The following NAALADL2 variants were observed in gnomAD, a reference collection of about 807,000 sequenced individuals.
The protein encoded by NAALADL2 is inactive N-acetylated-alpha-linked acidic dipeptidase-like protein 2.
A neutral mutation model predicts 87.2 loss-of-function variants in NAALADL2; 76 were observed. That is an observed-to-expected ratio of 0.87 (90% CI 0.72 to 1.05). The LOEUF is 1.05. NAALADL2 is among the 50% of genes least tolerant of loss of function. NAALADL2 has a pLI of 0.00. For missense variants in NAALADL2, 1,089 were observed against 945.8 expected, an observed-to-expected ratio of 1.15 and a Z score of -1.99; for synonymous variants, 354 against 331.0, an observed-to-expected ratio of 1.07 and a Z score of -0.75.
At chr3:175,114,976 C>T (rs887500475) in intron 2 of NAALADL2, among the ~76,000 whole-genome samples, 1 of 151,526 alleles carries the variant, frequency 6.6e-6, no homozygotes, top group African/African-American at 2.4e-5. Flanking sequence ...TGGGTCCTTT[C>T]CTAGATATGT....
intron 2 of NAALADL2, among the ~76,000 whole-genome samples, chr3:175,112,808 G>A (rs1724422875): frequency 6.6e-6 from 1 of 151,562 alleles, no homozygotes; most frequent in South Asian, 2.1e-4. Flanking sequence ...TGTAATATAG[G>A]CATAATGACA....
At chr3:174,623,025 A>AGAGT (rs2108673158) in intron 2 of NAALADL2, among the ~76,000 whole-genome samples, 1 of 152,310 alleles carries the variant, frequency 6.6e-6, no homozygotes, top group South Asian at 2.1e-4. Flanking sequence ...CCTGGACGAC[A>AGAGT]GAGTGAGACT....
intron 2 of NAALADL2, among the ~76,000 whole-genome samples, chr3:174,592,645 C>T (rs1043739619): frequency 2.0e-5 from 3 of 152,050 alleles, no homozygotes; most frequent in African/African-American, 7.2e-5. Context: ...ATGAAGAAAT[C>T]GTTTTAGAAC....
At chr3:174,682,357 C>T (rs966917775) in intron 2 of NAALADL2, among the ~76,000 whole-genome samples, 8 of 152,154 alleles carry the variant, frequency 5.3e-5, no homozygotes, top group African/African-American at 1.9e-4. Context: ...GGACACAAGC[C>T]TGTCTGGCTT....
At chr3:175,652,423 A>C (rs1032716280) in intron 11 of NAALADL2, among the ~76,000 whole-genome samples, 1 of 152,120 alleles carries the variant, frequency 6.6e-6, no homozygotes, top group Admixed American at 6.5e-5. Context: ...TAGAACTGTT[A>C]AAATGTGCCA....
At chr3:175,081,283 A>C (rs1717762503) in intron 1 of NAALADL2, 1 of 152,216 alleles carries the variant, frequency 6.6e-6, no homozygotes, top group South Asian at 2.1e-4. Context: ...CAGTGTAATT[A>C]TAAATGATCA....
chr3:175,119,823 A>G (rs1055737364), intron 2 of NAALADL2, among the ~76,000 whole-genome samples: 5 of 146,692 alleles, frequency 3.4e-5, no homozygotes, highest in African/African-American at 1.2e-4. Context: ...ATAAAAGTAT[A>G]TATATAAGAT....
intron 3 of NAALADL2, among the ~76,000 whole-genome samples, chr3:174,853,454 G>C (rs1312968272): frequency 6.6e-6 from 1 of 150,646 alleles, no homozygotes; most frequent in Non-Finnish European, 1.5e-5. Context: ...TTTGGAAAAT[G>C]CTCTAGGAAA....
chr3:175,689,997 C>T (rs559369832), intron 11 of NAALADL2, among the ~76,000 whole-genome samples: 4 of 151,966 alleles, frequency 2.6e-5, no homozygotes, highest in Admixed American at 1.3e-4. Flanking sequence ...CAGAAAACCA[C>T]GGAGCTTTCA....
intron 2 of NAALADL2, among the ~76,000 whole-genome samples, chr3:174,664,033 C>G (rs796567451): frequency 3.9e-5 from 6 of 152,228 alleles, no homozygotes; most frequent in African/African-American, 1.4e-4. Flanking sequence ...AGGTGACCCA[C>G]CAGCCTCGGC....
At chr3:174,682,105 C>T (rs1727600197) in intron 2 of NAALADL2, among the ~76,000 whole-genome samples, 1 of 152,172 alleles carries the variant, frequency 6.6e-6, no homozygotes, top group South Asian at 2.1e-4. Context: ...GGAGAGATGC[C>T]TTCCCTCTGC....
At chr3:174,743,736 A>G (rs956575978) in intron 3 of NAALADL2, among the ~76,000 whole-genome samples, 1 of 151,876 alleles carries the variant, frequency 6.6e-6, no homozygotes, top group African/African-American at 2.4e-5. Flanking sequence ...ATGACTGGCC[A>G]ATGTTTTGAC....
At chr3:174,874,862 T>A in intron 1 of NAALADL2, among the ~76,000 whole-genome samples, 1 of 152,128 alleles carries the variant, frequency 6.6e-6, no homozygotes, top group Non-Finnish European at 1.5e-5. Flanking sequence ...ACACCGCTAA[T>A]CCTAGCACTT....
intron 1 of NAALADL2, among the ~76,000 whole-genome samples, chr3:175,049,701 T>C (rs1755125359): frequency 1.3e-5 from 2 of 152,302 alleles, no homozygotes; most frequent in African/African-American, 2.4e-5. Context: ...GATCCCTAGC[T>C]GACTTCTCTC....
chr3:174,474,395 T>A (rs1368609511), intron 1 of NAALADL2, among the ~76,000 whole-genome samples: 14 of 152,156 alleles, frequency 9.2e-5, no homozygotes. Context: ...TCTCATGTCA[T>A]AATAGAGATG....
At chr3:175,005,088 A>G (rs534828941) in intron 1 of NAALADL2, among the ~76,000 whole-genome samples, 1 of 152,190 alleles carries the variant, frequency 6.6e-6, no homozygotes, top group Non-Finnish European at 1.5e-5. Context: ...AAGGTTATAG[A>G]AATTATACTG....
intron 11 of NAALADL2, among the ~76,000 whole-genome samples, chr3:175,652,304 T>G (rs1202534071): frequency 6.6e-6 from 1 of 152,116 alleles, no homozygotes; most frequent in Non-Finnish European, 1.5e-5. Context: ...ATGAAATGTT[T>G]AAGACATATT....
chr3:174,803,754 A>G (rs529255550), intron 3 of NAALADL2, among the ~76,000 whole-genome samples: 2 of 152,228 alleles, frequency 1.3e-5, no homozygotes, highest in Admixed American at 6.5e-5. Flanking sequence ...TGTTTTTGTC[A>G]GGTTTGTCAA....
chr3:175,082,272 G>A (rs1339243679), intron 1 of NAALADL2, among the ~76,000 whole-genome samples: 2 of 152,104 alleles, frequency 1.3e-5, no homozygotes, highest in African/African-American at 4.8e-5. Flanking sequence ...GGCTTTAAAA[G>A]GGTCTTGTGG....
Sources: gnomAD v4.1 joint callset for allele counts (sites outside exome capture counted in the v4.1 genomes callset) on GRCh38, gnomAD v4.1.1 for gene constraint, MANE v1.5 for transcripts, NCBI Gene and HGNC (gene_info 2026-07-23, HGNC 2026-07-21) for gene names.